Variants in NOL10 observed in about 807,000 individuals in gnomAD.
The protein encoded by NOL10 is nucleolar protein 10, also known as H_NH0074G24.1.
In NOL10, 58 loss-of-function variants were observed where a neutral mutation model predicts 103.5. The observed-to-expected ratio is 0.56, with a 90% CI of 0.45 to 0.70. NOL10 has a LOEUF of 0.70. Among genes scored for constraint, NOL10 ranks in the 30% least tolerant of loss-of-function variants. The pLI is 0.00. For synonymous variants in NOL10, 287 were observed against 282.5 expected (o/e 1.02, Z -0.16); for missense variants, 763 against 807.3 (o/e 0.95, Z 0.67).
At chr2:10,577,390 C>T (rs1464611135) in intron 20 of NOL10, among the ~76,000 whole-genome samples, 1 of 152,212 alleles carries the variant, frequency 6.6e-6, no homozygotes, top group Non-Finnish European at 1.5e-5. Flanking sequence ...ACAGAGCTAA[C>T]TCCAGGGCCA....
chr2:10,638,663 T>C (rs1678479071), intron 13 of NOL10, among the ~76,000 whole-genome samples: 1 of 151,386 alleles, frequency 6.6e-6, no homozygotes, highest in Non-Finnish European at 1.5e-5. Context: ...GGCTGATTTT[T>C]TGTCTCTTTA....
chr2:10,603,654 T>C (rs1019098017), intron 14 of NOL10, among the ~76,000 whole-genome samples: 31 of 152,174 alleles, frequency 2.0e-4, no homozygotes, highest in Admixed American at 1.8e-3. Flanking sequence ...CATACATACA[T>C]GCATATTAAT....
Position 10,666,045 on chromosome 2 carries a change from C to T in NOL10, c.591+1173G>A, listed in dbSNP as rs181706742. Reference sequence around the variant, plus strand: ...CAACCCTTGCCTCCCTCCCTCCCTTCCCCATCCAGTAATCCCCAGTGTCTA... The same window carrying T: ...CAACCCTTGCCTCCCTCCCTCCCTTTCCCATCCAGTAATCCCCAGTGTCTA... On this transcript the variant is annotated intron_variant, in intron 8 of 20. Transcript: ENST00000381685. Among the ~76,000 whole-genome samples, 267 of 152,168 alleles carry T rather than the reference C, an allele frequency of 1.8e-3. 1 individual carries two copies. The highest frequency in any genetic ancestry group is 3.1e-3 in the Non-Finnish European group (211 of 67,996).
chr2:10,649,700 CTG>C (rs1679335584), intron 12 of NOL10, among the ~76,000 whole-genome samples: 1 of 152,246 alleles, frequency 6.6e-6, no homozygotes, highest in South Asian at 2.1e-4. Flanking sequence ...GGTCAGCAAA[CTG>C]TCTCTGTAAA....
In NOL10 at chr2:10,600,897, C is replaced by T. The variant is rs1423052170; in HGVS notation, c.1378G>A (p.Glu460Lys). The change falls in exon 17 of 21, where the codon GAA (glutamate) becomes AAA (lysine). Residue 460 changes from glutamate (E) to lysine (K), a missense_variant. Coordinates refer to ENST00000381685, the MANE Select transcript of NOL10 (RefSeq NM_024894.4). Reference sequence around the variant, plus strand: ...GTAGATTTCTGCTTCTCCTCTTCTTCCTCAATTAATTTAAGTGCCAGCTCT... The same window carrying T: ...GTAGATTTCTGCTTCTCCTCTTCTTTCTCAATTAATTTAAGTGCCAGCTCT... Reference protein sequence around the residue: ...NKELALKLIEEEEEKQKSTWK... With the variant: ...NKELALKLIEKEEEKQKSTWK... 3 of 1,557,758 alleles carry T rather than the reference C, an allele frequency of 1.9e-6. No individual in the cohort carries two copies. In the East Asian group the frequency reaches 7.1e-5, roughly 37 times the overall value.
intron 13 of NOL10, among the ~76,000 whole-genome samples, chr2:10,615,124 T>C (rs1253581830): frequency 6.6e-6 from 1 of 152,252 alleles, no homozygotes. Flanking sequence ...CCTAATTGCA[T>C]ATCCAAGTTT....
intron 19 of NOL10, among the ~76,000 whole-genome samples, chr2:10,587,277 T>A (rs188812421): frequency 0.03 from 1,198 of 40,042 alleles, 420 homozygotes; most frequent in African/African-American, 0.077. Context: ...ATATATATAT[T>A]TTTTTTTTTT....
At chr2:10,579,592 TG>T (rs1674648440) in intron 19 of NOL10, among the ~76,000 whole-genome samples, 1 of 149,600 alleles carries the variant, frequency 6.7e-6, no homozygotes, top group Non-Finnish European at 1.5e-5. Flanking sequence ...AATTCAAAAG[TG>T]AAGTGTAAAC....
intron 8 of NOL10, among the ~76,000 whole-genome samples, chr2:10,665,923 C>A (rs1341154438): frequency 6.6e-6 from 1 of 152,110 alleles, no homozygotes; most frequent in African/African-American, 2.4e-5. Flanking sequence ...GGGGTACGTG[C>A]AGGTTTGTTA....
chr2:10,647,246 C>T (rs1036878221), intron 12 of NOL10, among the ~76,000 whole-genome samples: 9 of 152,122 alleles, frequency 5.9e-5, no homozygotes, highest in Non-Finnish European at 1.5e-5. Flanking sequence ...TCCCCAGAAA[C>T]ATGCACAAAT....
At chr2:10,589,910 G>GC in intron 17 of NOL10, 159 bp from the exon 18 acceptor site, 1 of 454,886 alleles carries the variant, frequency 2.2e-6, no homozygotes, top group Non-Finnish European at 3.7e-6. Context: ...CTTTCAACGT[G>GC]CCCCTAGGTT....
intron 3 of NOL10, 147 bp downstream of exon 3, chr2:10,681,823 TG>T (rs1160197428): frequency 2.6e-6 from 1 of 383,568 alleles, no homozygotes; most frequent in Non-Finnish European, 4.7e-6. Flanking sequence ...AGTAGTTAAA[TG>T]GGTGTTTACT....
chr2:10,681,855 CTGTG>C, intron 3 of NOL10, 112 bp downstream of exon 3: 1 of 419,148 alleles, frequency 2.4e-6, no homozygotes, highest in Non-Finnish European at 4.2e-6. Flanking sequence ...TTCAATATTT[CTGTG>C]TGTTTGAAAT....
At chr2:10,652,322 G>C (rs1008276436) in intron 12 of NOL10, among the ~76,000 whole-genome samples, 2 of 151,198 alleles carry the variant, frequency 1.3e-5, no homozygotes, top group African/African-American at 4.9e-5. Flanking sequence ...ATGAGGCTCT[G>C]CCACACACCA....
Position 10,689,920 on chromosome 2 carries a change from G to C in NOL10, c.-59C>G. 6.7e-7 allele frequency: 1 copy of C among 1,500,110 alleles called. No homozygotes were observed. Among genetic ancestry groups the C allele is most frequent in the South Asian group, 1.2e-5 (1 of 83,166 alleles). 92.9% of individuals were successfully genotyped at this position (1,500,110 alleles called of 1,614,324 possible). A position where few individuals can be genotyped will look rare whatever the true frequency, so the allele number is the denominator to read the frequency against. On this transcript the variant is annotated 5_prime_UTR_variant, in exon 1 of 21. Transcript: ENST00000381685. ...TTTCCCACCAGCGTGCTCGAGCACCGTAATCCCGGGACCTCCGAGCCCCTG... is the reference window on the plus strand; with the variant it reads ...TTTCCCACCAGCGTGCTCGAGCACCCTAATCCCGGGACCTCCGAGCCCCTG...
chr2:10,596,104 A>G (rs1214344502), intron 17 of NOL10, among the ~76,000 whole-genome samples: 1 of 152,066 alleles, frequency 6.6e-6, no homozygotes, highest in African/African-American at 2.4e-5. Flanking sequence ...CTTTAATATA[A>G]GTTCTCAGTG....
chr2:10,686,376 A>C (rs1682204222), intron 1 of NOL10, among the ~76,000 whole-genome samples: 1 of 152,116 alleles, frequency 6.6e-6, no homozygotes, highest in Non-Finnish European at 1.5e-5. Flanking sequence ...GAGCAGTGAG[A>C]CTTGTGAGGC....
chr2:10,648,907 A>G (rs1431704064), intron 12 of NOL10, among the ~76,000 whole-genome samples: 1 of 152,218 alleles, frequency 6.6e-6, no homozygotes, highest in Non-Finnish European at 1.5e-5. Flanking sequence ...GATACACAAC[A>G]GCGAAATGTA....
At chr2:10,603,272 T>G (rs1352622081) in intron 14 of NOL10, 115 bp from the exon 15 acceptor site, 24 of 721,896 alleles carry the variant, frequency 3.3e-5, no homozygotes, top group Non-Finnish European at 5.4e-5. Flanking sequence ...ACTAAAAATT[T>G]AAGGATTAGA....
Sources: gnomAD v4.1 joint callset for allele counts (sites outside exome capture counted in the v4.1 genomes callset) on GRCh38, gnomAD v4.1.1 for gene constraint, MANE v1.5 for transcripts, NCBI Gene and HGNC (gene_info 2026-07-23, HGNC 2026-07-21) for gene names.